EPN2: variants seen among roughly 807,000 people sequenced by gnomAD.
EPN2 encodes the protein epsin 2.
A neutral mutation model predicts 61.7 loss-of-function variants in EPN2; 34 were observed. The observed-to-expected ratio is 0.55, with a 90% confidence interval of 0.42 to 0.73. EPN2 has a LOEUF of 0.73. Among genes scored for constraint, EPN2 ranks in the 30% least tolerant of loss-of-function variants. The pLI is 0.00. For synonymous variants in EPN2, 349 were observed against 353.6 expected (o/e 0.99, Z 0.15); for missense variants, 714 against 839.2 (o/e 0.85, Z 1.84).
rs144486716 is a variant in EPN2, at chr17:19,313,104, G to A, written c.973-1G>A. On this transcript the variant is annotated splice_acceptor_variant, in intron 6 of 10. Coordinates refer to ENST00000314728, the MANE Select transcript of EPN2 (RefSeq NM_014964.5). LOFTEE classifies it high-confidence loss of function. ...CTGTCCCCTTCTCTTTGTCTTAAAA[G>A]CATGGCTCTCTCCCACAGCAGACTA... 10 of 1,613,172 alleles carry A rather than the reference G, an allele frequency of 6.2e-6. No individual in the cohort carries two copies. The highest frequency in any genetic ancestry group is 1.7e-4 in the Middle Eastern group (1 of 6,054).
chr17:19,256,533 A>T (rs2045081596), intron 1 of EPN2, among the ~76,000 whole-genome samples: 2 of 152,080 alleles, frequency 1.3e-5, no homozygotes, highest in Admixed American at 1.3e-4. Context: ...GGGATAAGTA[A>T]TCAAAAAGGA....
At chr17:19,314,741 G>T (rs1053501224) in intron 7 of EPN2, among the ~76,000 whole-genome samples, 4 of 152,380 alleles carry the variant, frequency 2.6e-5, no homozygotes, top group East Asian at 3.9e-4. Context: ...TTCCAGGGCT[G>T]CTCAAGAGGT....
In EPN2 at chr17:19,332,043, G is replaced by C; in HGVS notation, c.1602G>C (p.Gln534His). ...SLVTRPAPPA[Q>H]SLNPFLAPGA... Reference sequence around the variant, plus strand: ...TGACCAGGCCTGCCCCACCAGCCCAGTCCCTCAACCCTTTCCTGGCACCAG... The same window carrying C: ...TGACCAGGCCTGCCCCACCAGCCCACTCCCTCAACCCTTTCCTGGCACCAG... Residue 534 changes from glutamine (Q) to histidine (H), a missense_variant, in exon 10 of 11, where the codon CAG becomes CAC. Physicochemically the swap from Gln to His is conservative, Grantham distance 24. Transcript: ENST00000314728. 1 of 1,611,988 alleles carries C rather than the reference G, an allele frequency of 6.2e-7. No individual in the cohort carries two copies. The highest frequency in any genetic ancestry group is 8.5e-7 in the Non-Finnish European group (1 of 1,179,900).
intron 1 of EPN2, among the ~76,000 whole-genome samples, chr17:19,256,419 CAAA>C (rs61210278): frequency 1.5e-5 from 1 of 67,966 alleles, no homozygotes. Context: ...GACCCTGTCT[CAAA>C]AAAAAAAAAA....
intron 7 of EPN2, among the ~76,000 whole-genome samples, chr17:19,323,142 G>A (rs1906718997): frequency 1.3e-5 from 2 of 152,160 alleles, no homozygotes; most frequent in Admixed American, 6.5e-5. Flanking sequence ...CTCACTCCAG[G>A]GAGTTTACAG....
intron 1 of EPN2, among the ~76,000 whole-genome samples, chr17:19,261,791 G>C (rs865967930): frequency 6.6e-6 from 1 of 152,204 alleles, no homozygotes. Flanking sequence ...CTTTTTCATG[G>C]GGCATGTCCA....
chr17:19,300,449 A>G lies in EPN2; in HGVS notation c.767-9436A>G, dbSNP rs1480971239. ...AATCTTTTTTTTTTTTTTTTTTTGG[A>G]GACAGAGTCGCTCTTGTTGCCCAAG... On this transcript the variant is annotated intron_variant, in intron 4 of 10. Coordinates refer to ENST00000314728, the MANE Select transcript of EPN2 (RefSeq NM_014964.5). Among the ~76,000 whole-genome samples, 145 of 19,718 alleles carry G rather than the reference A, an allele frequency of 7.4e-3. 1 individual carries two copies. The highest frequency in any genetic ancestry group is 0.031 in the African/African-American group (135 of 4,308). 12.9% of individuals were successfully genotyped at this position (19,718 alleles called of 152,430 possible).
chr17:19,302,531 G>A (rs1166573300), intron 4 of EPN2, among the ~76,000 whole-genome samples: 1 of 152,196 alleles, frequency 6.6e-6, no homozygotes, highest in Non-Finnish European at 1.5e-5. Flanking sequence ...CTCCTTATGA[G>A]AATCTAATGC....
chr17:19,283,950 T>C lies in EPN2; in HGVS notation c.595+236T>C, dbSNP rs1175778895. Among the ~76,000 whole-genome samples, 4 of 152,204 alleles carry C rather than the reference T, an allele frequency of 2.6e-5. No homozygotes were observed. The highest frequency in any genetic ancestry group is 9.7e-5 in the African/African-American group (4 of 41,448). On this transcript the variant is annotated intron_variant, in intron 3 of 10. Coordinates refer to ENST00000314728, the MANE Select transcript of EPN2 (RefSeq NM_014964.5). This position sits in a 1 kb window ranked among gnomAD's most constrained non-coding sequence, Gnocchi z 7.0. ...AGGGATCTCTAACGCCCTTTGCTGC[T>C]CTGGGCCTCATTCTGTACATCTGGG... is the stretch of plus-strand genomic sequence containing the variant.
intron 1 of EPN2, among the ~76,000 whole-genome samples, chr17:19,243,538 A>G (rs1038992955): frequency 6.6e-6 from 1 of 151,262 alleles, no homozygotes; most frequent in Non-Finnish European, 1.5e-5. Flanking sequence ...GACTACAGGC[A>G]CCCGCCACCA....
Position 19,334,296 on chromosome 17 carries a change from A to G in EPN2, c.*42A>G, listed in dbSNP as rs1567872815. 9 of 1,377,778 alleles carry G rather than the reference A, an allele frequency of 6.5e-6. No homozygotes were observed. The highest frequency in any genetic ancestry group is 5.7e-6 in the Non-Finnish European group (6 of 1,056,790). The allele number at this position is 1,377,778 out of a possible 1,614,324, so 85.3% of individuals were successfully genotyped here. ...CCACCCAGAGCACCTGTGCTGGAGG[A>G]TGCCGAGCAGGGACTCTCGTCTGTG... On this transcript the variant is annotated 3_prime_UTR_variant, in exon 11 of 11. Coordinates refer to ENST00000314728, the MANE Select transcript of EPN2 (RefSeq NM_014964.5). This position sits in a 1 kb window ranked among gnomAD's most constrained non-coding sequence, Gnocchi z 4.9.
chr17:19,311,995 G>T (rs978407144), intron 5 of EPN2, 57 bp from the exon 6 acceptor site: 19 of 1,165,106 alleles, frequency 1.6e-5, no homozygotes, highest in Non-Finnish European at 2.3e-5. Flanking sequence ...GGCCAGTGTG[G>T]CTTTGTTCTG....
chr17:19,295,373 T>TGCGC (rs75073631), intron 4 of EPN2, among the ~76,000 whole-genome samples: 14,198 of 144,294 alleles, frequency 0.098, 1,362 homozygotes, highest in East Asian at 0.49. Context: ...CACACGCGCG[T>TGCGC]GCGCGCAAAA....
chr17:19,307,334 G>A (rs1005993509), intron 4 of EPN2, among the ~76,000 whole-genome samples: 5 of 151,138 alleles, frequency 3.3e-5, no homozygotes, highest in African/African-American at 4.9e-5. Context: ...TTTTGGAGAT[G>A]GAGTCTCGCT....
At chr17:19,259,810 A>C (rs1232165646) in intron 1 of EPN2, among the ~76,000 whole-genome samples, 1 of 152,220 alleles carries the variant, frequency 6.6e-6, no homozygotes, top group Admixed American at 6.5e-5. Flanking sequence ...CCTCGCTCCT[A>C]AATGCCCGGA....
chr17:19,318,202 T>C (rs548709988), intron 7 of EPN2, among the ~76,000 whole-genome samples: 1 of 152,302 alleles, frequency 6.6e-6, no homozygotes, highest in South Asian at 2.1e-4. Context: ...GACTTCACTC[T>C]ATGTTCAAAG....
chr17:19,325,479 A>G (rs530429708), intron 7 of EPN2, among the ~76,000 whole-genome samples: 155 of 152,224 alleles, frequency 1.0e-3, no homozygotes, highest in Non-Finnish European at 2.0e-3. Flanking sequence ...AAAACAGAAA[A>G]CATGTGGTCA....
Position 19,310,571 on chromosome 17 carries a change from C to CTTTTTTTTTT in EPN2, c.879+589_879+598dup, listed in dbSNP as rs71155391. 8.4e-3 allele frequency among the ~76,000 whole-genome samples: 679 copies of CTTTTTTTTTT among 80,898 alleles called. 15 individuals carry two copies. The highest frequency in any genetic ancestry group is 0.014 in the African/African-American group (284 of 20,046). The allele number at this position is 80,898 out of a possible 152,430, so 53.1% of individuals were successfully genotyped here. A position where few individuals can be genotyped will look rare whatever the true frequency, so the allele number is the denominator to read the frequency against. ...TTTCTTTCTCTCTTTCTCCTTCTTT[C>CTTTTTTTTTT]TTTTTTTTTTTTTTTTTTTTTTTTG... On this transcript the variant is annotated intron_variant, in intron 5 of 10. Coordinates refer to ENST00000314728, the MANE Select transcript of EPN2 (RefSeq NM_014964.5).
intron 4 of EPN2, among the ~76,000 whole-genome samples, chr17:19,290,720 A>AAAAAAG (rs71155389): frequency 0.068 from 7,142 of 105,018 alleles, 752 homozygotes; most frequent in Middle Eastern, 0.14. Flanking sequence ...AAAAAAGAAA[A>AAAAAAG]AAAAAGAAAA....
Sources: allele counts gnomAD v4.1 joint callset (sites outside exome capture counted in the v4.1 genomes callset), GRCh38; gene constraint gnomAD v4.1.1; non-coding constraint Gnocchi (gnomAD v3.1); transcripts MANE v1.5; gene names NCBI Gene and HGNC (gene_info 2026-07-23, HGNC 2026-07-21).